LRMDA: variants seen among roughly 807,000 people sequenced by gnomAD.
LRMDA encodes the protein leucine-rich melanocyte differentiation-associated protein.
LRMDA carries 18 observed loss-of-function variants against 29.8 expected under a neutral mutation model. The observed-to-expected ratio is 0.60, with a 90% confidence interval of 0.42 to 0.90. LRMDA has a LOEUF of 0.90. Ranked by LOEUF, LRMDA falls within the 40% of genes least tolerant of loss-of-function variation. The pLI, the probability that LRMDA is intolerant of heterozygous loss-of-function variation, is 0.00. For missense variants in LRMDA, 273 were observed against 273.9 expected (o/e 1.00, Z 0.02); for synonymous variants, 125 against 109.4 (o/e 1.14, Z -0.89).
intron 5 of LRMDA, among the ~76,000 whole-genome samples, chr10:76,230,417 A>C (rs1852036449): frequency 1.3e-5 from 2 of 152,164 alleles, no homozygotes. Flanking sequence ...AGTAGATAGA[A>C]ATCTGGAAAA....
rs185912955 is a variant in LRMDA at position 76,020,424 on chromosome 10, G to C, written c.132-15584G>C. 7.9e-5 allele frequency among the ~76,000 whole-genome samples: 12 copies of C among 152,344 alleles called. No homozygotes were observed. The East Asian group carries it at 1.9e-3, about 24-fold the overall frequency. On this transcript the variant is annotated intron_variant, in intron 2 of 6. Coordinates refer to ENST00000611255, the MANE Select transcript of LRMDA (RefSeq NM_001305581.2). ...AGAGGACGAAGACAGGCCTGGAACT[G>C]GAAGCACCTGCACTTACATTTCTTG... is the stretch of plus-strand genomic sequence containing the variant.
intron 6 of LRMDA, among the ~76,000 whole-genome samples, chr10:76,412,647 A>G (rs1425346827): frequency 6.6e-6 from 1 of 152,176 alleles, no homozygotes; most frequent in Non-Finnish European, 1.5e-5. Context: ...ATACAGGGGA[A>G]TTGAATGAGG....
intron 6 of LRMDA, among the ~76,000 whole-genome samples, chr10:76,400,661 C>T (rs1371175740): frequency 6.6e-6 from 1 of 152,164 alleles, no homozygotes; most frequent in Non-Finnish European, 1.5e-5. Flanking sequence ...ACATCGTTAC[C>T]ATTTCCTGGA....
chr10:75,680,469 T>C (rs1040469924), intron 2 of LRMDA, among the ~76,000 whole-genome samples: 1 of 152,150 alleles, frequency 6.6e-6, no homozygotes, highest in African/African-American at 2.4e-5. Flanking sequence ...AGGGACCTTG[T>C]AGTGGTGTTT....
At chr10:76,307,932 T>C (rs143445480) in intron 5 of LRMDA, among the ~76,000 whole-genome samples, 1 of 152,306 alleles carries the variant, frequency 6.6e-6, no homozygotes, top group East Asian at 1.9e-4. Context: ...TTTCATGACT[T>C]ACCATCAAAA....
intron 6 of LRMDA, among the ~76,000 whole-genome samples, chr10:76,493,686 G>A (rs1842855608): frequency 1.3e-5 from 2 of 151,840 alleles, no homozygotes; most frequent in Admixed American, 1.3e-4. Flanking sequence ...TCTCCAAGTT[G>A]TTCACCGTTT....
At chr10:75,777,786 G>A (rs1422893634) in intron 2 of LRMDA, among the ~76,000 whole-genome samples, 3 of 152,076 alleles carry the variant, frequency 2.0e-5, no homozygotes, top group African/African-American at 7.2e-5. Context: ...TGGAACACAT[G>A]TTGTGGTCAT....
chr10:75,966,234 G>A (rs1006503609), intron 2 of LRMDA, among the ~76,000 whole-genome samples: 1 of 152,182 alleles, frequency 6.6e-6, no homozygotes, highest in Non-Finnish European at 1.5e-5. Flanking sequence ...GTGGGTGGAC[G>A]AGAGCCTGGG....
intron 2 of LRMDA, among the ~76,000 whole-genome samples, chr10:75,932,788 C>T (rs188831368): frequency 2.0e-5 from 3 of 152,222 alleles, no homozygotes; most frequent in East Asian, 1.9e-4. Flanking sequence ...TTCTAAAGTG[C>T]AGTACTTTTG....
At chr10:76,361,252 C>A in intron 6 of LRMDA, among the ~76,000 whole-genome samples, 1 of 146,310 alleles carries the variant, frequency 6.8e-6, no homozygotes. Context: ...CAGAGCGAGA[C>A]TGTCTCAAAA....
At chr10:75,677,310 C>A (rs1841972170) in intron 2 of LRMDA, among the ~76,000 whole-genome samples, 1 of 152,162 alleles carries the variant, frequency 6.6e-6, no homozygotes, top group Admixed American at 6.5e-5. Flanking sequence ...GAATTCCCAT[C>A]TGATTTAATT....
intron 2 of LRMDA, among the ~76,000 whole-genome samples, chr10:75,545,861 A>G (rs1342635929): frequency 6.6e-6 from 1 of 152,194 alleles, no homozygotes; most frequent in Non-Finnish European, 1.5e-5. Context: ...AGAAATATTT[A>G]GTGACAAAAA....
chr10:76,127,880 T>C (rs1017765370), intron 5 of LRMDA, among the ~76,000 whole-genome samples: 1 of 152,152 alleles, frequency 6.6e-6, no homozygotes, highest in Non-Finnish European at 1.5e-5. Flanking sequence ...TAAGCCTATA[T>C]GGAAAGAGCA....
chr10:75,854,961 C>T (rs1008345543), intron 2 of LRMDA, among the ~76,000 whole-genome samples: 3 of 152,152 alleles, frequency 2.0e-5, no homozygotes, highest in Non-Finnish European at 1.5e-5. Flanking sequence ...TTAATCCAGT[C>T]TATCATTGTT....
rs111640175 is a variant in LRMDA at position 76,495,821 on chromosome 10, A to G, written c.602-61388A>G. ...CAGATTCCACCTGTCCATTTTCAGT[A>G]TATAGAAAATGCAATTGATTTGTTT... On this transcript the variant is annotated intron_variant, in intron 6 of 6. Coordinates refer to ENST00000611255, the MANE Select transcript of LRMDA (RefSeq NM_001305581.2). Among the ~76,000 whole-genome samples the G allele has an allele frequency of 2.4e-4, 7 of 29,020 alleles. 2 individuals carry two copies. Among genetic ancestry groups the G allele is most frequent in the Non-Finnish European group, 1.1e-3 (6 of 5,482 alleles). The allele number at this position is 29,020 out of a possible 152,430, so 19.0% of individuals were successfully genotyped here.
chr10:76,522,589 C>T (rs545872751), intron 6 of LRMDA, among the ~76,000 whole-genome samples: 18 of 152,316 alleles, frequency 1.2e-4, no homozygotes, highest in Non-Finnish European at 2.2e-4. Context: ...GGATCTTATA[C>T]GTGGCAGTGG....
At chr10:75,576,860 C>T (rs1840512319) in intron 2 of LRMDA, among the ~76,000 whole-genome samples, 1 of 152,120 alleles carries the variant, frequency 6.6e-6, no homozygotes, top group Admixed American at 6.5e-5. Flanking sequence ...AAAGGATGTC[C>T]ACTCAAAGAC....
At chr10:76,058,597 G>A in intron 4 of LRMDA, 69 bp from the exon 5 acceptor site, 1 of 1,285,650 alleles carries the variant, frequency 7.8e-7, no homozygotes, top group East Asian at 2.3e-5. Context: ...TTGAAGATCA[G>A]ACAAGCTGTC....
chr10:76,210,490 T>G (rs1851616214), intron 5 of LRMDA, among the ~76,000 whole-genome samples: 2 of 152,230 alleles, frequency 1.3e-5, no homozygotes, highest in Non-Finnish European at 2.9e-5. Context: ...AAGTGCTCAG[T>G]AAACATCTGT....
Sources: gnomAD v4.1 joint callset for allele counts (sites outside exome capture counted in the v4.1 genomes callset) on GRCh38, gnomAD v4.1.1 for gene constraint, MANE v1.5 for transcripts, NCBI Gene and HGNC (gene_info 2026-07-23, HGNC 2026-07-21) for gene names.